Variants in DAP observed in about 807,000 individuals in gnomAD.
DAP encodes the protein death-associated protein 1.
In DAP, 8 loss-of-function variants were observed where a neutral mutation model predicts 13.8. That is an observed-to-expected ratio of 0.58 (90% confidence interval 0.34 to 1.05). The LOEUF (loss-of-function observed/expected upper bound fraction) is 1.05, where lower values mean the gene tolerates loss of function less well. Among genes scored for constraint, DAP ranks in the 50% least tolerant of loss-of-function variants. DAP has a pLI of 0.03. For synonymous variants in DAP, 47 were observed against 47.5 expected (o/e 0.99, Z 0.04); for missense variants, 106 against 133.2 (o/e 0.80, Z 1.01).
chr5:10,716,773 C>T (rs1252551456), intron 2 of DAP, among the ~76,000 whole-genome samples: 1 of 152,136 alleles, frequency 6.6e-6, no homozygotes, highest in East Asian at 1.9e-4. Flanking sequence ...AATAAACTCC[C>T]CTTTATATGT....
rs10271 is a variant in DAP at position 10,680,637 on chromosome 5, G to A, written c.*419C>T. On this transcript the variant is annotated 3_prime_UTR_variant, in exon 4 of 4. Coordinates refer to ENST00000230895, the MANE Select transcript of DAP (RefSeq NM_004394.3). ...TAGTTCTTACTCTCCCACAGGTGTT[G>A]AGATTTTATTGGCCCATACTAAAAA... 0.064 allele frequency: 74,401 copies of A among 1,162,676 alleles called. 3,094 individuals carry two copies. Among genetic ancestry groups the A allele is most frequent in the African/African-American group, 0.17 (11,086 of 64,478 alleles). The allele number at this position is 1,162,676 out of a possible 1,614,324, so 72.0% of individuals were successfully genotyped here. A position where few individuals can be genotyped will look rare whatever the true frequency, so the allele number is the denominator to read the frequency against.
chr5:10,734,940 C>T (rs1344140237), intron 2 of DAP, among the ~76,000 whole-genome samples: 2 of 152,202 alleles, frequency 1.3e-5, no homozygotes, highest in African/African-American at 4.8e-5. Context: ...CCCTCACCGG[C>T]CTCCTGGTCC....
rs1441005893 is a variant in DAP, at chr5:10,683,350, T to A, written c.195+179A>T. The stretch of plus-strand genomic sequence containing the variant: ...AAAGGTAAAGGATGCGAGTCTGGCC[T>A]GCGGTCTGCAGAAGCAGCCTCTGGG... On this transcript the variant is annotated intron_variant, in intron 3 of 3. Transcript: ENST00000230895. 12 of 729,488 alleles carry A rather than the reference T, an allele frequency of 1.6e-5. No homozygotes were observed. In the East Asian group the frequency reaches 3.1e-4, roughly 19 times the overall value. The allele number at this position is 729,488 out of a possible 1,614,324, so 45.2% of individuals were successfully genotyped here. A position where few individuals can be genotyped will look rare whatever the true frequency, so the allele number is the denominator to read the frequency against.
At chr5:10,710,546 G>A (rs1027534190) in intron 2 of DAP, among the ~76,000 whole-genome samples, 1 of 152,214 alleles carries the variant, frequency 6.6e-6, no homozygotes, top group African/African-American at 2.4e-5. Flanking sequence ...CTCTGGCATC[G>A]GGCCTGGAAG....
At chr5:10,690,081 T>C (rs562118566) in intron 2 of DAP, among the ~76,000 whole-genome samples, 2 of 151,012 alleles carry the variant, frequency 1.3e-5, no homozygotes, top group Non-Finnish European at 2.9e-5. Context: ...GTCCAGCACT[T>C]CCGCAGGCGA....
intron 2 of DAP, among the ~76,000 whole-genome samples, chr5:10,685,145 T>C (rs921930084): frequency 6.6e-6 from 1 of 151,662 alleles, no homozygotes; most frequent in African/African-American, 2.4e-5. Context: ...ACACCTGAAA[T>C]TCCCCCAAGT....
chr5:10,687,270 G>A (rs1425839130), intron 2 of DAP, among the ~76,000 whole-genome samples: 1 of 152,176 alleles, frequency 6.6e-6, no homozygotes, highest in East Asian at 1.9e-4. Context: ...CATTCATTCT[G>A]CAACCCATGG....
intron 3 of DAP, among the ~76,000 whole-genome samples, chr5:10,682,645 G>A (rs548254005): frequency 6.6e-6 from 1 of 152,378 alleles, no homozygotes; most frequent in East Asian, 1.9e-4. Flanking sequence ...AAAGGAAGGT[G>A]GAAGTCTGTC....
chr5:10,748,151 CAA>C, intron 2 of DAP, 22 bp downstream of exon 2: 2 of 1,522,878 alleles, frequency 1.3e-6, no homozygotes, highest in Non-Finnish European at 9.1e-7. Context: ...AAAACATGCT[CAA>C]GAGTCGCTAG....
intron 2 of DAP, among the ~76,000 whole-genome samples, chr5:10,691,229 T>C (rs1579786488): frequency 6.6e-6 from 1 of 152,228 alleles, no homozygotes; most frequent in African/African-American, 2.4e-5. Context: ...TCTTCCAAAA[T>C]GTCTAACAGC....
chr5:10,717,576 T>C (rs2126656347), intron 2 of DAP, among the ~76,000 whole-genome samples: 1 of 152,284 alleles, frequency 6.6e-6, no homozygotes, highest in East Asian at 1.9e-4. Flanking sequence ...TCTGAGGAGA[T>C]AAACCCTGCG....
Position 10,680,980 on chromosome 5 carries a change from CT to C in DAP, c.*75del. 1 of 1,547,804 alleles carries C rather than the reference CT, an allele frequency of 6.5e-7. No individual in the cohort carries two copies. The highest frequency in any genetic ancestry group is 8.7e-7 in the Non-Finnish European group (1 of 1,147,274). ...CCAGCAGAGTAGGATTTGGGCGAAA[CT>C]GCTGGTTCTCTCTGTCAGGGAAATA... On this transcript the variant is annotated 3_prime_UTR_variant, in exon 4 of 4. Coordinates refer to ENST00000230895, the MANE Select transcript of DAP (RefSeq NM_004394.3).
intron 2 of DAP, among the ~76,000 whole-genome samples, chr5:10,685,819 T>C (rs1457658244): frequency 6.6e-6 from 1 of 152,180 alleles, no homozygotes; most frequent in African/African-American, 2.4e-5. Context: ...CTAGTAAGAA[T>C]ACATGCATAA....
intron 2 of DAP, among the ~76,000 whole-genome samples, chr5:10,740,700 A>C (rs1468650425): frequency 6.6e-6 from 1 of 152,258 alleles, no homozygotes; most frequent in African/African-American, 2.4e-5. Flanking sequence ...AACATCTTTC[A>C]AAAGTAAAAG....
chr5:10,704,305 A>T (rs1008980003), intron 2 of DAP, among the ~76,000 whole-genome samples: 1 of 152,210 alleles, frequency 6.6e-6, no homozygotes, highest in Non-Finnish European at 1.5e-5. Context: ...GGATTTAGGG[A>T]CCATAAATAT....
At chr5:10,740,645 C>T (rs1014882398) in intron 2 of DAP, among the ~76,000 whole-genome samples, 1 of 152,162 alleles carries the variant, frequency 6.6e-6, no homozygotes, top group African/African-American at 2.4e-5. Context: ...GTGTTTAACA[C>T]ATTGAAAGAA....
chr5:10,689,806 G>A (rs1404311008), intron 2 of DAP, among the ~76,000 whole-genome samples: 4 of 152,182 alleles, frequency 2.6e-5, no homozygotes, highest in South Asian at 2.1e-4. Flanking sequence ...ACTCACTCAG[G>A]ATGGAAAGGC....
chr5:10,709,460 G>A (rs187413198), intron 2 of DAP, among the ~76,000 whole-genome samples: 84 of 152,300 alleles, frequency 5.5e-4, no homozygotes, highest in Non-Finnish European at 1.0e-3. Context: ...CCACCACTGG[G>A]GAGAGCTTGG....
chr5:10,741,654 A>G (rs1345049021), intron 2 of DAP, among the ~76,000 whole-genome samples: 1 of 152,248 alleles, frequency 6.6e-6, no homozygotes, highest in Non-Finnish European at 1.5e-5. Flanking sequence ...AAAGGGCGAG[A>G]TAATAAGTTC....
Sources: gnomAD v4.1 joint callset for allele counts (sites outside exome capture counted in the v4.1 genomes callset) on GRCh38, gnomAD v4.1.1 for gene constraint, MANE v1.5 for transcripts, NCBI Gene and HGNC (gene_info 2026-07-23, HGNC 2026-07-21) for gene names.